Variants in KSR1 observed in about 807,000 individuals in gnomAD.
The protein encoded by KSR1 is kinase suppressor of ras 1.
KSR1 carries 35 observed loss-of-function variants against 92.9 expected under a neutral mutation model. The observed-to-expected ratio is 0.38, with a 90% CI of 0.29 to 0.50. KSR1 has a LOEUF of 0.50. Ranked by LOEUF, KSR1 falls within the 20% of genes least tolerant of loss-of-function variation. The pLI, the probability that KSR1 is intolerant of heterozygous loss-of-function variation, is 0.94. For missense variants in KSR1, 972 were observed against 1,158.5 expected (o/e 0.84, Z 2.34); for synonymous variants, 467 against 472.6 (o/e 0.99, Z 0.15).
intron 2 of KSR1, among the ~76,000 whole-genome samples, chr17:27,562,175 ATTTCTG>A (rs2071858303): frequency 1.3e-5 from 2 of 152,054 alleles, no homozygotes; most frequent in African/African-American, 4.8e-5. Context: ...AATCCTTTGG[ATTTCTG>A]GGCTGCCCAG....
chr17:27,575,622 C>G (rs2072475883), intron 2 of KSR1, among the ~76,000 whole-genome samples: 1 of 152,184 alleles, frequency 6.6e-6, no homozygotes, highest in Middle Eastern at 3.4e-3. Context: ...CAGGTCTCAC[C>G]CTCATTTTAC....
chr17:27,620,317 G>A (rs1029072756), intron 19 of KSR1, among the ~76,000 whole-genome samples: 6 of 152,156 alleles, frequency 3.9e-5, no homozygotes, highest in African/African-American at 9.7e-5. Context: ...CACACCTGCC[G>A]CATTGCTACA....
chr17:27,576,031 G>C (rs2072491178), intron 2 of KSR1, among the ~76,000 whole-genome samples: 1 of 152,158 alleles, frequency 6.6e-6, no homozygotes, highest in Admixed American at 6.5e-5. Context: ...CTGGAGGTCT[G>C]AGGTCCTCAT....
At position 27,561,367 on chromosome 17, in the gene KSR1, C is replaced by T. The variant is rs554713392; in HGVS notation, c.372+10659C>T. ...TCATTTCTTCTTTCCTTTACATTCA[C>T]TCGTTACTCATATGCACCCATTGAT... On this transcript the variant is annotated intron_variant, in intron 2 of 20. Coordinates refer to ENST00000644974, the MANE Select transcript of KSR1 (RefSeq NM_001394583.1). Among the ~76,000 whole-genome samples, 5 of 152,320 alleles carry T rather than the reference C, an allele frequency of 3.3e-5. No homozygotes were observed. The East Asian group carries it at 5.8e-4, about 18-fold the overall frequency.
intron 1 of KSR1, among the ~76,000 whole-genome samples, chr17:27,489,286 T>C (rs1452035964): frequency 6.6e-6 from 1 of 152,188 alleles, no homozygotes; most frequent in East Asian, 1.9e-4. Flanking sequence ...GCTGCAGGCT[T>C]GGCTCCAAGC....
In KSR1 at chr17:27,577,566, C is replaced by A; in HGVS notation, c.447C>A (p.Arg149=). ...CCAAGGTGAAGGAGACGCTGCGGCG[C>A]TGTGGGGCCAGCGGGGATGAGTGTG... ...NEAKVKETLR[R]CGASGDECGR... is the part of the protein sequence containing the mutation. Residue 149 remains arginine (R), a synonymous_variant, in exon 3 of 21, where the codon CGC becomes CGA. Coordinates refer to ENST00000644974, the MANE Select transcript of KSR1 (RefSeq NM_001394583.1). The surrounding 1 kb of genome is among the most constrained non-coding windows in gnomAD (Gnocchi z 4.5). 1 of 1,605,902 alleles carries A rather than the reference C, an allele frequency of 6.2e-7. No individual in the cohort carries two copies.
chr17:27,484,211 T>A (rs1338061682), intron 1 of KSR1, among the ~76,000 whole-genome samples: 2 of 152,170 alleles, frequency 1.3e-5, no homozygotes, highest in African/African-American at 4.8e-5. Flanking sequence ...TTTCACAGAT[T>A]TCAGAGAGTG....
intron 11 of KSR1, among the ~76,000 whole-genome samples, chr17:27,601,668 T>TG (rs2073562922): frequency 1.3e-5 from 2 of 152,202 alleles, no homozygotes; most frequent in Admixed American, 1.3e-4. Context: ...AGGCAACCTT[T>TG]TCAAGGTCAC....
chr17:27,608,670 G>T (rs2073831059), intron 15 of KSR1, among the ~76,000 whole-genome samples: 1 of 152,154 alleles, frequency 6.6e-6, no homozygotes, highest in South Asian at 2.1e-4. Context: ...TCAAACCCCA[G>T]ATTTCTTAGT....
intron 1 of KSR1, among the ~76,000 whole-genome samples, chr17:27,534,517 T>C (rs2070685169): frequency 6.6e-6 from 1 of 152,228 alleles, no homozygotes; most frequent in Non-Finnish European, 1.5e-5. Context: ...TTAAGTAATC[T>C]GAGTTAAAGC....
At chr17:27,486,849 G>A (rs776046620) in intron 1 of KSR1, among the ~76,000 whole-genome samples, 1 of 152,206 alleles carries the variant, frequency 6.6e-6, no homozygotes, top group East Asian at 1.9e-4. Context: ...CTCTCTTCCC[G>A]AGTCTACCAC....
intron 1 of KSR1, among the ~76,000 whole-genome samples, chr17:27,545,331 G>A (rs952770815): frequency 6.6e-6 from 1 of 152,188 alleles, no homozygotes; most frequent in African/African-American, 2.4e-5. Context: ...GATAAACTTT[G>A]TGTGCCTGTC....
At position 27,582,968 on chromosome 17, in the gene KSR1, C is replaced by G. The variant is rs999731484; in HGVS notation, c.843C>G (p.Thr281=). Residue 281 remains threonine (T), a synonymous_variant, in exon 4 of 21, where the codon ACC becomes ACG. Transcript: ENST00000644974. ...CCACACCCCAGCTGCGACGGCACAC[C>G]AAGCTGAAGCCACCACGGACGCCCC... ...PPTTPQLRRH[T]KLKPPRTPPP... is the part of the protein sequence containing the mutation. 11 of 1,609,142 alleles carry G rather than the reference C, an allele frequency of 6.8e-6. No homozygotes were observed. The highest frequency in any genetic ancestry group is 9.3e-6 in the Non-Finnish European group (11 of 1,177,316).
chr17:27,571,400 C>T (rs911036584), intron 2 of KSR1, among the ~76,000 whole-genome samples: 5 of 152,210 alleles, frequency 3.3e-5, no homozygotes, highest in Non-Finnish European at 7.3e-5. Flanking sequence ...TCAGGTGCTC[C>T]CTTGCCAATT....
intron 19 of KSR1, among the ~76,000 whole-genome samples, chr17:27,619,447 G>T (rs990388044): frequency 2.0e-5 from 3 of 150,814 alleles, no homozygotes; most frequent in Admixed American, 2.0e-4. Flanking sequence ...ACTCAGGCTG[G>T]AGTGCAGTGG....
At chr17:27,526,594 A>G (rs1471234794) in intron 1 of KSR1, 27 of 1,585,556 alleles carry the variant, frequency 1.7e-5, no homozygotes, top group Admixed American at 6.8e-5. Context: ...CAATTGTAAG[A>G]TGGACATTTG....
chr17:27,597,462 G>T, intron 10 of KSR1, 26 bp downstream of exon 10: 1 of 1,578,052 alleles, frequency 6.3e-7, no homozygotes, highest in South Asian at 1.2e-5. Flanking sequence ...GCTTTTCTGG[G>T]TTCTAAGGGA....
chr17:27,519,988 CAG>C (rs1214958345), intron 1 of KSR1, among the ~76,000 whole-genome samples: 6 of 152,204 alleles, frequency 3.9e-5, no homozygotes, highest in South Asian at 2.1e-4. Context: ...CTCAGTGCAG[CAG>C]AGTCTCTGTA....
At chr17:27,581,113 C>T (rs2945405) in intron 3 of KSR1, among the ~76,000 whole-genome samples, 89,347 of 151,860 alleles carry the variant, frequency 0.59, 26,416 homozygotes, top group Admixed American at 0.69. Flanking sequence ...ATCGGGAAGG[C>T]TCCAGGCATA....
Sources: allele counts gnomAD v4.1 joint callset (sites outside exome capture counted in the v4.1 genomes callset), GRCh38; gene constraint gnomAD v4.1.1; non-coding constraint Gnocchi (gnomAD v3.1); transcripts MANE v1.5; gene names NCBI Gene and HGNC (gene_info 2026-07-23, HGNC 2026-07-21).